SMAD7: variants seen among roughly 807,000 people sequenced by gnomAD.
The protein encoded by SMAD7 is MAD (mothers against decapentaplegic, Drosophila) homolog 7.
Under a neutral mutation model 38.7 loss-of-function variants are expected in SMAD7, and 8 were observed. The ratio of observed to expected loss-of-function variants is 0.21; its 90% CI spans 0.12 to 0.37. The LOEUF (loss-of-function observed/expected upper bound fraction) is 0.37, where lower values mean the gene tolerates loss of function less well. SMAD7 is among the 10% of genes least tolerant of loss of function. The probability of loss-of-function intolerance (pLI) is 1.00; values close to 1 mark genes in which losing one functional copy is unlikely to be tolerated. For synonymous variants in SMAD7, 327 were observed against 265.1 expected (o/e 1.23, Z -2.27); for missense variants, 477 against 577.9 (o/e 0.83, Z 1.79).
intron 2 of SMAD7, among the ~76,000 whole-genome samples, chr18:48,943,091 C>T (rs1290354920): frequency 2.6e-5 from 4 of 152,160 alleles, no homozygotes; most frequent in African/African-American, 9.7e-5. Context: ...TATACAAAAT[C>T]CCAAGTAGAC....
intron 3 of SMAD7, among the ~76,000 whole-genome samples, chr18:48,929,953 C>T (rs1336316758): frequency 1.3e-5 from 2 of 152,082 alleles, no homozygotes; most frequent in Non-Finnish European, 2.9e-5. Context: ...TCCCCTCCCC[C>T]GGCTCCCCTT....
At chr18:48,937,718 CCT>C (rs985549605) in intron 3 of SMAD7, among the ~76,000 whole-genome samples, 2 of 152,116 alleles carry the variant, frequency 1.3e-5, no homozygotes, top group African/African-American at 4.8e-5. Context: ...GAAGGTGTCC[CCT>C]GAGTTCTAGG....
intron 3 of SMAD7, among the ~76,000 whole-genome samples, chr18:48,927,867 A>G (rs967011303): frequency 1.9e-4 from 29 of 152,186 alleles, no homozygotes; most frequent in African/African-American, 5.8e-4. Flanking sequence ...CTGAGGCTGC[A>G]TACTATCACC....
chr18:48,947,725 A>G (rs1599236870), intron 2 of SMAD7, among the ~76,000 whole-genome samples: 1 of 152,220 alleles, frequency 6.6e-6, no homozygotes, highest in South Asian at 2.1e-4. Flanking sequence ...CAACCACAAC[A>G]GGGCTGGTGC....
intron 3 of SMAD7, among the ~76,000 whole-genome samples, chr18:48,929,174 C>T (rs2069963052): frequency 1.3e-5 from 2 of 152,160 alleles, no homozygotes; most frequent in Admixed American, 6.5e-5. Flanking sequence ...AGATACTTCC[C>T]CTCCATGGTA....
chr18:48,923,849 G>A (rs1013062462), intron 3 of SMAD7, among the ~76,000 whole-genome samples: 12 of 152,182 alleles, frequency 7.9e-5, no homozygotes, highest in Admixed American at 3.9e-4. Flanking sequence ...GTGCACATAC[G>A]TACTGGAACA....
At chr18:48,948,318 G>C (rs2070219148) in intron 2 of SMAD7, 66 bp downstream of exon 2, 1 of 1,183,176 alleles carries the variant, frequency 8.5e-7, no homozygotes, top group Non-Finnish European at 1.2e-6. Context: ...CACACAAAAA[G>C]CCACGTTCTA....
rs141809369 is a variant in SMAD7 at position 48,945,359 on chromosome 18, G to A, written c.668-2804C>T. Among the ~76,000 whole-genome samples the A allele has an allele frequency of 9.6e-3, 1,454 of 152,244 alleles. 32 individuals are homozygous for A. Among genetic ancestry groups the A allele is most frequent in the African/African-American group, 0.032 (1,346 of 41,526 alleles). ...CACCTGTAGTCCCAGCTGCTCGGGA[G>A]GCTGAGGCAGGACAATGGTGTGAAC... is the stretch of plus-strand genomic sequence containing the variant. On this transcript the variant is annotated intron_variant, in intron 2 of 3. Transcript: ENST00000262158.
At chr18:48,932,831 C>T (rs769379707) in intron 3 of SMAD7, among the ~76,000 whole-genome samples, 1 of 152,174 alleles carries the variant, frequency 6.6e-6, no homozygotes, top group Non-Finnish European at 1.5e-5. Context: ...GTCTTCGTTG[C>T]GAATCAAGTC....
chr18:48,931,188 T>C (rs2069995943), intron 3 of SMAD7, among the ~76,000 whole-genome samples: 1 of 152,156 alleles, frequency 6.6e-6, no homozygotes, highest in Non-Finnish European at 1.5e-5. Context: ...TAGTGTTTCA[T>C]GGGAACAAAG....
chr18:48,931,334 T>C (rs925268330), intron 3 of SMAD7, among the ~76,000 whole-genome samples: 1 of 152,174 alleles, frequency 6.6e-6, no homozygotes, highest in Non-Finnish European at 1.5e-5. Flanking sequence ...TTTACCACAA[T>C]AAAAGAAAAA....
chr18:48,923,778 C>T (rs2069893065), intron 3 of SMAD7, among the ~76,000 whole-genome samples: 1 of 152,134 alleles, frequency 6.6e-6, no homozygotes, highest in Non-Finnish European at 1.5e-5. Context: ...TGTGCATGTG[C>T]GTGTGCAAGA....
chr18:48,925,895 C>T (rs920611725), intron 3 of SMAD7, among the ~76,000 whole-genome samples: 4 of 152,180 alleles, frequency 2.6e-5, no homozygotes, highest in African/African-American at 9.6e-5. Context: ...TACAGGCACC[C>T]GCCACCACGC....
At chr18:48,926,829 C>A (rs931008898) in intron 3 of SMAD7, among the ~76,000 whole-genome samples, 4 of 152,236 alleles carry the variant, frequency 2.6e-5, no homozygotes, top group Admixed American at 2.6e-4. Flanking sequence ...CTGCTCCCAA[C>A]CCTGTCAGGA....
At chr18:48,934,337 C>G (rs934380293) in intron 3 of SMAD7, among the ~76,000 whole-genome samples, 1 of 152,020 alleles carries the variant, frequency 6.6e-6, no homozygotes, top group East Asian at 1.9e-4. Flanking sequence ...CTTGAAAACA[C>G]GAAGGCAGCC....
intron 2 of SMAD7, among the ~76,000 whole-genome samples, chr18:48,947,184 C>T (rs2070204428): frequency 6.6e-6 from 1 of 152,156 alleles, no homozygotes; most frequent in Admixed American, 6.5e-5. Context: ...AAATCGAAAG[C>T]AAAATATCAC....
intron 3 of SMAD7, among the ~76,000 whole-genome samples, chr18:48,939,938 C>A (rs781572750): frequency 2.0e-5 from 3 of 151,896 alleles, no homozygotes; most frequent in African/African-American, 4.8e-5. Flanking sequence ...CAGGCCACCC[C>A]CCATGGAACG....
intron 3 of SMAD7, among the ~76,000 whole-genome samples, chr18:48,934,950 C>T (rs553381713): frequency 1.3e-5 from 2 of 152,298 alleles, no homozygotes; most frequent in East Asian, 3.9e-4. Flanking sequence ...AAATAACTGT[C>T]CTCAACACCG....
chr18:48,944,886 C>T (rs915460478), intron 2 of SMAD7, among the ~76,000 whole-genome samples: 1 of 152,224 alleles, frequency 6.6e-6, no homozygotes, highest in Admixed American at 6.5e-5. Context: ...ACTTGGTAAG[C>T]ACTAGGTTCT....
Sources: allele counts gnomAD v4.1 joint callset (sites outside exome capture counted in the v4.1 genomes callset), GRCh38; gene constraint gnomAD v4.1.1; transcripts MANE v1.5; gene names NCBI Gene and HGNC (gene_info 2026-07-23, HGNC 2026-07-21).